C1GALT1: variants seen among roughly 807,000 people sequenced by gnomAD.
C1GALT1 encodes the protein glycoprotein-N-acetylgalactosamine 3-beta-galactosyltransferase 1.
Under a neutral mutation model 31.0 loss-of-function variants are expected in C1GALT1, and 11 were observed. That is an observed-to-expected ratio of 0.36 (90% CI 0.22 to 0.59). The LOEUF is 0.59. Among genes scored for constraint, C1GALT1 ranks in the 20% least tolerant of loss-of-function variants. The pLI is 0.79. For missense variants in C1GALT1, 424 were observed against 425.2 expected, an observed-to-expected ratio of 1.00 and a Z score of 0.03; for synonymous variants, 175 against 143.6, an observed-to-expected ratio of 1.22 and a Z score of -1.56.
intron 3 of C1GALT1, among the ~76,000 whole-genome samples, chr7:7,240,819 C>T (rs1230750770): frequency 6.6e-6 from 1 of 152,058 alleles, no homozygotes; most frequent in Non-Finnish European, 1.5e-5. Flanking sequence ...TATTATTATC[C>T]ATCTATCATT....
chr7:7,198,497 T>C (rs1485503197), intron 1 of C1GALT1, among the ~76,000 whole-genome samples: 1 of 152,244 alleles, frequency 6.6e-6, no homozygotes, highest in Non-Finnish European at 1.5e-5. Context: ...AAATTCTCTT[T>C]TTTTTATTGT....
At chr7:7,172,924 T>C (rs1434446004) in intron 2 of C1GALT1, among the ~76,000 whole-genome samples, 1 of 152,222 alleles carries the variant, frequency 6.6e-6, no homozygotes. Context: ...TCATAAAGAA[T>C]AGTTTCCCTG....
intron 1 of C1GALT1, among the ~76,000 whole-genome samples, chr7:7,220,868 G>A (rs1258308947): frequency 1.3e-5 from 2 of 152,118 alleles, no homozygotes; most frequent in Non-Finnish European, 2.9e-5. Context: ...AAAATTCTAG[G>A]TTGAAAATTA....
chr7:7,209,836 G>A (rs927747003), intron 1 of C1GALT1, among the ~76,000 whole-genome samples: 6 of 152,176 alleles, frequency 3.9e-5, no homozygotes, highest in East Asian at 1.9e-4. Context: ...GAGAGTCAGC[G>A]AAGGGAGATG....
At chr7:7,167,300 T>C (rs1780409176) in intron 2 of C1GALT1, among the ~76,000 whole-genome samples, 1 of 152,176 alleles carries the variant, frequency 6.6e-6, no homozygotes, top group Non-Finnish European at 1.5e-5. Flanking sequence ...AAACTAGACA[T>C]AATATTGGGA....
chr7:7,224,333 T>A (rs182905818), intron 1 of C1GALT1, among the ~76,000 whole-genome samples: 1 of 151,868 alleles, frequency 6.6e-6, no homozygotes, highest in Non-Finnish European at 1.5e-5. Flanking sequence ...ATAAAATGAA[T>A]TGGGAAGTGT....
At chr7:7,237,814 T>C (rs1419125955) in intron 2 of C1GALT1, among the ~76,000 whole-genome samples, 5 of 152,190 alleles carry the variant, frequency 3.3e-5, no homozygotes, top group African/African-American at 4.8e-5. Context: ...CTGTCAGTAA[T>C]CTATTAAAAA....
intron 3 of C1GALT1, among the ~76,000 whole-genome samples, chr7:7,241,898 A>C (rs1234588786): frequency 6.6e-6 from 1 of 152,024 alleles, no homozygotes; most frequent in Admixed American, 6.6e-5. Context: ...AATATAAATA[A>C]ATAAGAGCAA....
At chr7:7,200,167 AG>A (rs1309297195) in intron 1 of C1GALT1, among the ~76,000 whole-genome samples, 1 of 152,170 alleles carries the variant, frequency 6.6e-6, no homozygotes, top group Non-Finnish European at 1.5e-5. Context: ...ATGTTTTTGC[AG>A]TGGCTGGTAC....
At chr7:7,222,900 GT>G (rs386409457) in intron 1 of C1GALT1, among the ~76,000 whole-genome samples, 73 of 107,222 alleles carry the variant, frequency 6.8e-4, no homozygotes, top group Admixed American at 3.8e-3. Flanking sequence ...AGGTATGTGA[GT>G]TTTTTTTTGG....
Position 7,223,665 on chromosome 7 carries a change from A to G in C1GALT1, c.-17-10638A>G, listed in dbSNP as rs868252462. ...CATTTTTCTTTTCACAAAATCCTTG[A>G]GATTTCCTTCACAGTCACATTATCT... On this transcript the variant is annotated intron_variant, in intron 1 of 3. Coordinates refer to ENST00000436587, the MANE Select transcript of C1GALT1 (RefSeq NM_020156.5). Among the ~76,000 whole-genome samples, 4 of 152,254 alleles carry G rather than the reference A, an allele frequency of 2.6e-5. No homozygotes were observed. In the South Asian group the frequency reaches 8.3e-4, roughly 32 times the overall value.
chr7:7,201,235 C>T (rs955548471), intron 1 of C1GALT1, among the ~76,000 whole-genome samples: 4 of 152,208 alleles, frequency 2.6e-5, no homozygotes, highest in East Asian at 1.9e-4. Context: ...TCAGGACCCT[C>T]AGCCGCAGGT....
At chr7:7,167,227 G>C (rs543010081) in intron 2 of C1GALT1, among the ~76,000 whole-genome samples, 1 of 152,314 alleles carries the variant, frequency 6.6e-6, no homozygotes, top group South Asian at 2.1e-4. Context: ...TGCTTATGCA[G>C]TGTACAGATA....
intron 1 of C1GALT1, among the ~76,000 whole-genome samples, chr7:7,201,810 G>C (rs1781543016): frequency 6.6e-6 from 1 of 152,192 alleles, no homozygotes; most frequent in South Asian, 2.1e-4. Context: ...ACCTGCCGTG[G>C]TTTCTTTGCT....
intron 1 of C1GALT1, among the ~76,000 whole-genome samples, chr7:7,227,719 CA>C (rs57031681): frequency 0.042 from 4,965 of 119,030 alleles, 123 homozygotes; most frequent in African/African-American, 0.096. Context: ...GACTCCGTCT[CA>C]AAAAAAAAAA....
At chr7:7,224,755 C>G (rs1477492351) in intron 1 of C1GALT1, among the ~76,000 whole-genome samples, 5 of 152,082 alleles carry the variant, frequency 3.3e-5, no homozygotes, top group Non-Finnish European at 7.4e-5. Context: ...TTAATCTTAT[C>G]AAAGAACCAG....
chr7:7,230,860 TTTGTAATTTGTTTTAA>T (rs1469291751), intron 1 of C1GALT1, among the ~76,000 whole-genome samples: 24 of 152,020 alleles, frequency 1.6e-4, no homozygotes, highest in Non-Finnish European at 2.6e-4. Flanking sequence ...TGATGCCAGT[TTTGTAATTTGTTTTAA>T]TGGTAATAAT....
At chr7:7,165,567 G>C (rs1023439212) in intron 2 of C1GALT1, among the ~76,000 whole-genome samples, 1 of 152,082 alleles carries the variant, frequency 6.6e-6, no homozygotes, top group African/African-American at 2.4e-5. Context: ...GGAAGCTCTA[G>C]ATGCAAGAAT....
chr7:7,167,870 G>C (rs1041862529), intron 2 of C1GALT1, among the ~76,000 whole-genome samples: 8 of 152,070 alleles, frequency 5.3e-5, no homozygotes, highest in African/African-American at 1.4e-4. Flanking sequence ...GAGCAGCTTA[G>C]TCCTTGTCTC....
Sources: allele counts gnomAD v4.1 joint callset (sites outside exome capture counted in the v4.1 genomes callset), GRCh38; gene constraint gnomAD v4.1.1; transcripts MANE v1.5; gene names NCBI Gene and HGNC (gene_info 2026-07-23, HGNC 2026-07-21).